Variants in PKD1L1 observed in about 807,000 individuals in gnomAD.
The protein encoded by PKD1L1 is polycystin-1-like protein 1.
PKD1L1 carries 236 observed loss-of-function variants against 323.4 expected under a neutral mutation model. The observed-to-expected ratio is 0.73, with a 90% CI of 0.66 to 0.81. The LOEUF (loss-of-function observed/expected upper bound fraction) is 0.81, where lower values mean the gene tolerates loss of function less well. PKD1L1 is among the 40% of genes least tolerant of loss of function. The pLI is 0.00. For synonymous variants in PKD1L1, 1,344 were observed against 1,335.0 expected (o/e 1.01, Z -0.15); for missense variants, 3,320 against 3,508.0 (o/e 0.95, Z 1.35).
chr7:47,855,249 C>T lies in PKD1L1; in HGVS notation c.4607G>A (p.Gly1536Asp), dbSNP rs373706287. ...GCTGGAGCAGGTATAGAGGTTGAGG[C>T]CCACAACTCCACCAATCTTGGGGAA... ...QAPGQIGGVV[G>D]LNLYTCSSRR... is the part of the protein sequence containing the mutation. The change falls in exon 29 of 57, where the codon GGC (glycine) becomes GAC (aspartate). Residue 1536 changes from glycine to aspartate, a missense_variant. By Grantham distance (94) the Gly-to-Asp change is moderately conservative. Coordinates refer to ENST00000289672, the MANE Select transcript of PKD1L1 (RefSeq NM_138295.5). The T allele has an allele frequency of 1.3e-5, 21 of 1,612,720 alleles. No homozygotes were observed. The African/African-American group carries it at 2.5e-4, about 19-fold the overall frequency.
upstream of PKD1L1, chr7:47,948,521 C>T (rs964362204): frequency 6.5e-6 from 9 of 1,389,470 alleles, no homozygotes; most frequent in Non-Finnish European, 9.2e-6. Flanking sequence ...AGAAATAGAG[C>T]TTAATGCTTC....
At chr7:47,942,388 G>A (rs1788005525) in intron 2 of PKD1L1, among the ~76,000 whole-genome samples, 2 of 152,024 alleles carry the variant, frequency 1.3e-5, no homozygotes, top group South Asian at 4.2e-4. Flanking sequence ...AAAAGAATTG[G>A]CGTTGCATTG....
intron 33 of PKD1L1, 64 bp from the exon 34 acceptor site, chr7:47,843,233 G>A (rs1038601179): frequency 1.6e-6 from 2 of 1,263,668 alleles, no homozygotes; most frequent in Non-Finnish European, 2.2e-6. Context: ...GGAAAAGACT[G>A]ATTGCCACCC....
In PKD1L1 at chr7:47,840,450, T is replaced by G; in HGVS notation, c.5552+11A>C. The G allele has an allele frequency of 6.3e-7, 1 of 1,599,098 alleles. No individual in the cohort carries two copies. The highest frequency in any genetic ancestry group is 8.6e-7 in the Non-Finnish European group (1 of 1,166,308). ...CTTTCCCAAATCTAGCAGTGAAATA[T>G]TTTGGAATACCTCAGGATAAAGGTG... On this transcript the variant is annotated intron_variant, in intron 35 of 56. Transcript: ENST00000289672. This position sits in a 1 kb window ranked among gnomAD's most constrained non-coding sequence, Gnocchi z 4.1.
At chr7:47,922,817 G>A (rs1009541820) in intron 7 of PKD1L1, among the ~76,000 whole-genome samples, 2 of 152,336 alleles carry the variant, frequency 1.3e-5, no homozygotes, top group South Asian at 4.1e-4. Flanking sequence ...CTGCCCGGCC[G>A]CCACCCTGTC....
chr7:47,901,461 C>T (rs1169749772), intron 13 of PKD1L1, among the ~76,000 whole-genome samples: 1 of 152,122 alleles, frequency 6.6e-6, no homozygotes, highest in East Asian at 1.9e-4. Context: ...GTCCCATGTC[C>T]TAACAGCAGA....
intron 32 of PKD1L1, among the ~76,000 whole-genome samples, chr7:47,845,580 A>G (rs1351296779): frequency 6.6e-6 from 1 of 152,102 alleles, no homozygotes; most frequent in East Asian, 1.9e-4. Flanking sequence ...TTATTGATTT[A>G]TTTTAAATTT....
intron 46 of PKD1L1, chr7:47,817,951 G>A (rs1329018516): frequency 1.3e-5 from 13 of 997,510 alleles, no homozygotes; most frequent in African/African-American, 5.2e-5. Context: ...TTTTTCTTAC[G>A]AAGAAATGAT....
chr7:47,940,407 T>TAAG (rs1787961374), intron 2 of PKD1L1, 90 bp from the exon 3 acceptor site: 1 of 1,440,570 alleles, frequency 6.9e-7, no homozygotes, highest in Non-Finnish European at 9.4e-7. Context: ...AAGTTATACA[T>TAAG]AAGGTCAAAG....
chr7:47,940,406 A>G (rs1040854170), intron 2 of PKD1L1, 89 bp from the exon 3 acceptor site: 1 of 1,442,216 alleles, frequency 6.9e-7, no homozygotes, highest in Non-Finnish European at 9.4e-7. Flanking sequence ...TAAGTTATAC[A>G]TAAGGTCAAA....
At chr7:47,960,312 T>C in the PKD1L1 span, among the ~76,000 whole-genome samples, 1 of 144,192 alleles carries the variant, frequency 6.9e-6, no homozygotes, top group Non-Finnish European at 1.5e-5. Flanking sequence ...CCTCCACTAT[T>C]GTCCTATGAC....
intron 30 of PKD1L1, among the ~76,000 whole-genome samples, chr7:47,853,470 C>T (rs1785825867): frequency 6.6e-6 from 1 of 152,076 alleles, no homozygotes; most frequent in Non-Finnish European, 1.5e-5. Flanking sequence ...TGGCCAGGCA[C>T]GGTGGCTCAC....
chr7:47,781,387 GTTT>G (rs200570381), intron 56 of PKD1L1, among the ~76,000 whole-genome samples: 1 of 121,702 alleles, frequency 8.2e-6, no homozygotes, highest in Non-Finnish European at 1.7e-5. Flanking sequence ...AGAACAAAAG[GTTT>G]TTTTTTTTGT....
chr7:47,803,159 C>T, intron 53 of PKD1L1, 51 bp downstream of exon 53: 3 of 1,607,960 alleles, frequency 1.9e-6, no homozygotes, highest in Non-Finnish European at 2.6e-6. Flanking sequence ...GACGAGTACA[C>T]AGATCAATGG....
Position 47,811,894 on chromosome 7 carries a change from C to G in PKD1L1, c.7504G>C (p.Val2502Leu), listed in dbSNP as rs371450996. The G allele has an allele frequency of 1.2e-6, 2 of 1,610,286 alleles. No homozygotes were observed. The highest frequency in any genetic ancestry group is 2.7e-5 in the African/African-American group (2 of 74,808). The change falls in exon 50 of 57, where the codon GTC becomes CTC. Residue 2502 changes from valine to leucine, a missense_variant. By Grantham distance (32) the Val-to-Leu change is conservative. Transcript: ENST00000289672. Reference protein sequence around the residue: ...RVEILPTGSLVPSSLVESFSI... With the variant: ...RVEILPTGSLLPSSLVESFSI... The stretch of plus-strand genomic sequence containing the variant: ...AATGACTCCACCAGGGATGAGGGGA[C>G]GAGACTCCCCGTAGGGAGGATCTCC...
chr7:47,934,743 C>G (rs1787834223), intron 4 of PKD1L1, among the ~76,000 whole-genome samples: 2 of 152,114 alleles, frequency 1.3e-5, no homozygotes, highest in Admixed American at 1.3e-4. Context: ...GGCCTCAGAA[C>G]AGGGACTGGC....
Position 47,843,056 on chromosome 7 carries a change from T to G in PKD1L1, c.5351A>C (p.Tyr1784Ser). ...CAGGGAAGCTTCTTGCAGAAAGATG[T>G]AACCAGCTTTCTTTTTTTCATGATG... ...VDHHEKKKAG[Y>S]IFLQEASLPG... Residue 1784 changes from tyrosine (Y) to serine (S), a missense_variant, in exon 34 of 57, where the codon TAC becomes TCC. Transcript: ENST00000289672. The G allele has an allele frequency of 6.2e-7, 1 of 1,613,848 alleles. No individual in the cohort carries two copies. The highest frequency in any genetic ancestry group is 8.5e-7 in the Non-Finnish European group (1 of 1,179,788).
At chr7:47,817,950 C>T (rs763719946) in intron 46 of PKD1L1, 69 of 1,000,300 alleles carry the variant, frequency 6.9e-5, no homozygotes, top group South Asian at 1.4e-4. Flanking sequence ...TTTTTTCTTA[C>T]GAAGAAATGA....
At chr7:47,876,608 G>C (rs994292305) in intron 22 of PKD1L1, among the ~76,000 whole-genome samples, 6 of 152,054 alleles carry the variant, frequency 3.9e-5, no homozygotes, top group Non-Finnish European at 7.4e-5. Flanking sequence ...GGTGCCTCAA[G>C]GGAAGGCCAT....
Sources: gnomAD v4.1 joint callset for allele counts (sites outside exome capture counted in the v4.1 genomes callset) on GRCh38, gnomAD v4.1.1 for gene constraint, Gnocchi (gnomAD v3.1) non-coding constraint, MANE v1.5 for transcripts, NCBI Gene and HGNC (gene_info 2026-07-23, HGNC 2026-07-21) for gene names.